The following GABRB2 variants were observed in gnomAD, a reference collection of about 807,000 sequenced individuals.
The protein encoded by GABRB2 is gamma-aminobutyric acid receptor subunit beta-2.
Under a neutral mutation model 54.7 loss-of-function variants are expected in GABRB2, and 16 were observed. The observed-to-expected ratio is 0.29, with a 90% confidence interval of 0.20 to 0.44. The LOEUF is 0.44. Among genes scored for constraint, GABRB2 ranks in the 20% least tolerant of loss-of-function variants. The probability of loss-of-function intolerance (pLI) is 1.00; values close to 1 mark genes in which losing one functional copy is unlikely to be tolerated. For missense variants in GABRB2, 355 were observed against 644.0 expected (o/e 0.55, Z 4.86); for synonymous variants, 244 against 233.8 (o/e 1.04, Z -0.40).
At chr5:161,295,165 G>A (rs1757348225) in intron 9 of GABRB2, among the ~76,000 whole-genome samples, 1 of 152,194 alleles carries the variant, frequency 6.6e-6, no homozygotes, top group Admixed American at 6.5e-5. Flanking sequence ...AAGAGGAAAG[G>A]GAAGAGGGTA....
chr5:161,539,821 T>C (rs1760757107), intron 3 of GABRB2, among the ~76,000 whole-genome samples: 1 of 152,222 alleles, frequency 6.6e-6, no homozygotes, highest in Non-Finnish European at 1.5e-5. Context: ...ATACAGAAGT[T>C]ATGTTTACAC....
At chr5:161,530,204 T>C (rs2113452397) in intron 3 of GABRB2, among the ~76,000 whole-genome samples, 1 of 152,194 alleles carries the variant, frequency 6.6e-6, no homozygotes, top group Non-Finnish European at 1.5e-5. Flanking sequence ...AGGGAGAACA[T>C]GAACAATTAA....
At chr5:161,323,004 C>A (rs986042524) in intron 9 of GABRB2, among the ~76,000 whole-genome samples, 1 of 149,886 alleles carries the variant, frequency 6.7e-6, no homozygotes, top group Non-Finnish European at 1.5e-5. Context: ...CTTTTTAATA[C>A]ATTTTTAGTA....
intron 3 of GABRB2, among the ~76,000 whole-genome samples, chr5:161,461,154 G>T (rs1412407222): frequency 6.6e-6 from 1 of 152,186 alleles, no homozygotes; most frequent in Non-Finnish European, 1.5e-5. Flanking sequence ...GGTAGTAATT[G>T]TAAGAGTTTG....
At chr5:161,412,117 T>C (rs999399217) in intron 4 of GABRB2, among the ~76,000 whole-genome samples, 1 of 152,118 alleles carries the variant, frequency 6.6e-6, no homozygotes, top group African/African-American at 2.4e-5. Flanking sequence ...GGAGAAACGA[T>C]CTATAGCTAG....
chr5:161,392,274 A>G (rs1755848433), intron 5 of GABRB2, among the ~76,000 whole-genome samples: 1 of 152,232 alleles, frequency 6.6e-6, no homozygotes, highest in Admixed American at 6.5e-5. Flanking sequence ...GGACCTTGAC[A>G]GAAGTACTGT....
Position 161,294,025 on chromosome 5 carries a change from C to G in GABRB2, c.*56G>C, listed in dbSNP as rs1396791059. The G allele has an allele frequency of 2.3e-6, 3 of 1,323,846 alleles. No individual in the cohort carries two copies. Among genetic ancestry groups the G allele is most frequent in the Non-Finnish European group, 3.2e-6 (3 of 934,476 alleles). 82.0% of individuals were successfully genotyped at this position (1,323,846 alleles called of 1,614,324 possible). Reference sequence around the variant, plus strand: ...TGTGTTTTCCAAGTCCTACATCAGGCTGTACAACTGGTTTGAGGAGGAATC... The same window carrying G: ...TGTGTTTTCCAAGTCCTACATCAGGGTGTACAACTGGTTTGAGGAGGAATC... On this transcript the variant is annotated 3_prime_UTR_variant, in exon 10 of 10. Transcript: ENST00000393959.
chr5:161,304,617 T>C (rs1757627850), intron 9 of GABRB2, among the ~76,000 whole-genome samples: 1 of 152,200 alleles, frequency 6.6e-6, no homozygotes. Flanking sequence ...AAATGGTTCC[T>C]TTCTATATAT....
intron 5 of GABRB2, among the ~76,000 whole-genome samples, chr5:161,359,665 A>G (rs1057281187): frequency 6.6e-6 from 1 of 152,194 alleles, no homozygotes; most frequent in Non-Finnish European, 1.5e-5. Flanking sequence ...AAAACTACAA[A>G]TGAATTATTT....
At chr5:161,501,804 C>T (rs920138100) in intron 3 of GABRB2, among the ~76,000 whole-genome samples, 1 of 150,616 alleles carries the variant, frequency 6.6e-6, no homozygotes, top group Non-Finnish European at 1.5e-5. Context: ...AGTTAAATAA[C>T]CTAAAAATAT....
intron 5 of GABRB2, among the ~76,000 whole-genome samples, chr5:161,338,515 C>T (rs1434690312): frequency 6.6e-6 from 1 of 152,106 alleles, no homozygotes; most frequent in Non-Finnish European, 1.5e-5. Flanking sequence ...GGGCCAGGCA[C>T]AGTGGCTCAT....
chr5:161,537,750 G>A (rs1294148848), intron 3 of GABRB2, among the ~76,000 whole-genome samples: 3 of 151,968 alleles, frequency 2.0e-5, no homozygotes, highest in African/African-American at 7.3e-5. Context: ...TATTTCATGG[G>A]CCCCTACAGG....
intron 9 of GABRB2, among the ~76,000 whole-genome samples, chr5:161,299,322 A>G (rs1757470212): frequency 6.6e-6 from 1 of 152,002 alleles, no homozygotes; most frequent in South Asian, 2.1e-4. Flanking sequence ...ACCATAATTG[A>G]CTCAGCGTTG....
chr5:161,534,407 C>T (rs754227913), intron 3 of GABRB2, among the ~76,000 whole-genome samples: 2 of 152,128 alleles, frequency 1.3e-5, no homozygotes, highest in Non-Finnish European at 2.9e-5. Context: ...CTAAGCCCTC[C>T]TTCCCAAGAA....
chr5:161,433,392 GA>G (rs1461571441), intron 4 of GABRB2, among the ~76,000 whole-genome samples: 2 of 150,716 alleles, frequency 1.3e-5, no homozygotes, highest in Non-Finnish European at 2.9e-5. Flanking sequence ...TTGAGCCCAG[GA>G]GTTTGAGACA....
chr5:161,429,353 A>AAAAAAAAAAAAAG (rs1278923753), intron 4 of GABRB2, among the ~76,000 whole-genome samples: 1 of 148,944 alleles, frequency 6.7e-6, no homozygotes, highest in Non-Finnish European at 1.5e-5. Context: ...CTCAAAAAAA[A>AAAAAAAAAAAAAG]AAAAAGAAAA....
In GABRB2 at chr5:161,459,750, A is replaced by G. The variant is rs1178322593; in HGVS notation, c.332T>C (p.Val111Ala). 6.2e-7 allele frequency: 1 copy of G among 1,613,610 alleles called. No homozygotes were observed. Among genetic ancestry groups the G allele is most frequent in the Non-Finnish European group, 8.5e-7 (1 of 1,179,796 alleles). ...ATCAGGCACCCAGAGCTGGTCTGCC[A>G]CTCTGTTGTCCAGAGTCAAGTTTAA... ...IPLNLTLDNRVADQLWVPDTY... is the reference protein window; with the variant it reads ...IPLNLTLDNRAADQLWVPDTY... Residue 111 changes from valine (V) to alanine (A), a missense_variant, in exon 4 of 10, where the codon GTG (valine) becomes GCG (alanine). Coordinates refer to ENST00000393959, the MANE Select transcript of GABRB2 (RefSeq NM_001371727.1).
At chr5:161,410,147 T>G (rs1001226927) in intron 5 of GABRB2, among the ~76,000 whole-genome samples, 1 of 152,142 alleles carries the variant, frequency 6.6e-6, no homozygotes, top group Non-Finnish European at 1.5e-5. Flanking sequence ...TTCCAGTTAT[T>G]TAGTGGGATA....
rs542934490 is a variant in GABRB2 at position 161,471,712 on chromosome 5, A to G, written c.238-11868T>C. On this transcript the variant is annotated intron_variant, in intron 3 of 9. Coordinates refer to ENST00000393959, the MANE Select transcript of GABRB2 (RefSeq NM_001371727.1). ...CCAGCCCTATAACTGCCTATCTCTG[A>G]CCCTTATCTTAATATGTAAAATTCC... 3.9e-5 allele frequency among the ~76,000 whole-genome samples: 6 copies of G among 152,018 alleles called. No individual in the cohort carries two copies. The East Asian group carries it at 1.2e-3, about 30-fold the overall frequency.
Sources: gnomAD v4.1 joint callset for allele counts (sites outside exome capture counted in the v4.1 genomes callset) on GRCh38, gnomAD v4.1.1 for gene constraint, MANE v1.5 for transcripts, NCBI Gene and HGNC (gene_info 2026-07-23, HGNC 2026-07-21) for gene names.